FBXL13: variants seen among roughly 807,000 people sequenced by gnomAD.
The protein encoded by FBXL13 is F-box and leucine rich repeat protein 13.
In FBXL13, 67 loss-of-function variants were observed where a neutral mutation model predicts 83.6. The observed-to-expected ratio is 0.80, with a 90% CI of 0.66 to 0.98. The LOEUF is 0.98. Ranked by LOEUF, FBXL13 falls within the 50% of genes least tolerant of loss-of-function variation. The pLI is 0.00. For missense variants in FBXL13, 822 were observed against 866.5 expected (o/e 0.95, Z 0.64); for synonymous variants, 272 against 299.5 (o/e 0.91, Z 0.95).
At chr7:102,862,298 C>T (rs1364453295) in intron 16 of FBXL13, among the ~76,000 whole-genome samples, 6 of 144,670 alleles carry the variant, frequency 4.1e-5, no homozygotes, top group African/African-American at 1.5e-4. Context: ...TACTGTACTC[C>T]AGTCTGGGCG....
At chr7:102,976,299 C>T (rs899622544) in intron 6 of FBXL13, 10 of 669,118 alleles carry the variant, frequency 1.5e-5, no homozygotes, top group Admixed American at 4.5e-5. Flanking sequence ...TTTCAGGACC[C>T]ACCCAGTCCT....
intron 11 of FBXL13, among the ~76,000 whole-genome samples, chr7:102,901,962 G>A (rs543706667): frequency 6.6e-6 from 1 of 152,266 alleles, no homozygotes; most frequent in Admixed American, 6.5e-5. Flanking sequence ...CAGTGGAATT[G>A]CTGTATCATA....
intron 6 of FBXL13, among the ~76,000 whole-genome samples, chr7:102,970,825 T>C (rs1220620672): frequency 2.0e-5 from 3 of 152,150 alleles, no homozygotes; most frequent in Non-Finnish European, 2.9e-5. Context: ...GTGAGTTAAA[T>C]AGCAGATGCG....
intron 6 of FBXL13, among the ~76,000 whole-genome samples, chr7:103,016,371 T>C (rs1042434911): frequency 6.6e-6 from 1 of 151,396 alleles, no homozygotes; most frequent in Non-Finnish European, 1.5e-5. Flanking sequence ...CTCCTATCTA[T>C]AGCTCCCAGG....
intron 11 of FBXL13, among the ~76,000 whole-genome samples, chr7:102,909,991 A>T (rs766498712): frequency 6.6e-6 from 1 of 152,082 alleles, no homozygotes; most frequent in Non-Finnish European, 1.5e-5. Context: ...TATGGCCTAG[A>T]CTGCCTTTCA....
intron 8 of FBXL13, chr7:102,939,644 T>C (rs895298008): frequency 5.5e-6 from 8 of 1,455,622 alleles, no homozygotes; most frequent in East Asian, 4.6e-5. Context: ...TTTTTTTCTA[T>C]GGCAACACTT....
At chr7:102,959,194 T>G (rs1231160521) in intron 8 of FBXL13, among the ~76,000 whole-genome samples, 1 of 152,070 alleles carries the variant, frequency 6.6e-6, no homozygotes, top group African/African-American at 2.4e-5. Context: ...TAACATCATA[T>G]AAAAAACTAC....
At chr7:102,919,512 G>C (rs1816573401) in intron 10 of FBXL13, among the ~76,000 whole-genome samples, 1 of 152,026 alleles carries the variant, frequency 6.6e-6, no homozygotes, top group African/African-American at 2.4e-5. Context: ...TTAATTGAAG[G>C]AACACAATTA....
chr7:102,844,090 T>C lies in FBXL13; in HGVS notation c.1719+10687A>G, dbSNP rs189591437. Among the ~76,000 whole-genome samples the C allele has an allele frequency of 2.6e-4, 39 of 152,328 alleles. 1 individual carries two copies. In the East Asian group the frequency reaches 7.1e-3, roughly 28 times the overall value. On this transcript the variant is annotated intron_variant, in intron 17 of 19. Transcript: ENST00000313221. ...AAGAGAGCAGATGAGGCTGAACCAC[T>C]ACCACAGACTTCCTTCTTTTGTGTA... is the stretch of plus-strand genomic sequence containing the variant.
intron 17 of FBXL13, among the ~76,000 whole-genome samples, chr7:102,842,954 A>G (rs992063662): frequency 6.6e-6 from 1 of 152,230 alleles, no homozygotes; most frequent in Non-Finnish European, 1.5e-5. Context: ...CCAACTATGA[A>G]GTAGCTTATG....
intron 18 of FBXL13, among the ~76,000 whole-genome samples, chr7:102,829,964 C>T (rs1800367884): frequency 6.6e-6 from 1 of 152,198 alleles, no homozygotes; most frequent in African/African-American, 2.4e-5. Context: ...GGATACTCAT[C>T]TGACCCACAG....
At position 103,047,757 on chromosome 7, in the gene FBXL13, C is replaced by T. The variant is rs374408245; in HGVS notation, c.-1+7887G>A. The stretch of plus-strand genomic sequence containing the variant: ...TCACCCAGGCTGGAGTGCAGAGGCA[C>T]GATCTTGCCTCACTGCAACCTCCGC... On this transcript the variant is annotated intron_variant, in intron 2 of 19. Coordinates refer to ENST00000313221, the Ensembl canonical transcript of FBXL13. Among the ~76,000 whole-genome samples, 11 of 152,234 alleles carry T rather than the reference C, an allele frequency of 7.2e-5. No homozygotes were observed. The East Asian group carries it at 1.2e-3, about 16-fold the overall frequency.
At chr7:102,813,044 T>C (rs947482555), downstream of FBXL13, among the ~76,000 whole-genome samples, 2 of 152,096 alleles carry the variant, frequency 1.3e-5, no homozygotes, top group South Asian at 4.2e-4. Context: ...GGTTTCACCA[T>C]GTTGGCCAGG....
At chr7:103,019,355 C>T (rs935242200) in intron 6 of FBXL13, among the ~76,000 whole-genome samples, 1 of 152,106 alleles carries the variant, frequency 6.6e-6, no homozygotes, top group East Asian at 1.9e-4. Context: ...GCACTAAATG[C>T]CCACAAGAGA....
intron 6 of FBXL13, among the ~76,000 whole-genome samples, chr7:103,008,759 T>C (rs1791258266): frequency 6.6e-6 from 1 of 152,194 alleles, no homozygotes; most frequent in Non-Finnish European, 1.5e-5. Flanking sequence ...AGTTTCACCA[T>C]GTTGGGCAGG....
In FBXL13 at chr7:103,037,379, A is replaced by G. The variant is rs531597947; in HGVS notation, c.1-7961T>C. 3.9e-5 allele frequency among the ~76,000 whole-genome samples: 6 copies of G among 152,354 alleles called. No homozygotes were observed. The East Asian group carries it at 1.2e-3, about 29-fold the overall frequency. ...TCCAGCCCCTAAGGGTCTTAAGATT[A>G]AGTTTCCTTTCCACAGTTAAACTTT... On this transcript the variant is annotated intron_variant, in intron 2 of 19. Coordinates refer to ENST00000313221, the Ensembl canonical transcript of FBXL13.
chr7:102,920,034 C>T (rs1295620659), intron 10 of FBXL13, among the ~76,000 whole-genome samples: 1 of 152,100 alleles, frequency 6.6e-6, no homozygotes, highest in Non-Finnish European at 1.5e-5. Flanking sequence ...TATGTGTGTT[C>T]ATACAGGGGA....
chr7:103,046,610 C>T (rs941412198), intron 2 of FBXL13, among the ~76,000 whole-genome samples: 2 of 152,126 alleles, frequency 1.3e-5, no homozygotes, highest in East Asian at 1.9e-4. Flanking sequence ...AAATCCTTCA[C>T]GAATAAAAGT....
intron 7 of FBXL13, among the ~76,000 whole-genome samples, 196 bp from the exon 9 acceptor site, chr7:102,963,861 T>C (rs901532114): frequency 1.3e-5 from 2 of 152,104 alleles, no homozygotes; most frequent in African/African-American, 4.8e-5. Flanking sequence ...AAAAGCCTAA[T>C]ATCCAGAATC....
Sources: allele counts gnomAD v4.1 joint callset (sites outside exome capture counted in the v4.1 genomes callset), GRCh38; gene constraint gnomAD v4.1.1; transcripts MANE v1.5; gene names NCBI Gene and HGNC (gene_info 2026-07-23, HGNC 2026-07-21).